Variants in NFATC2 observed in about 807,000 individuals in gnomAD.
NFATC2 encodes the protein nuclear factor of activated T cells 2.
In NFATC2, 22 loss-of-function variants were observed where a neutral mutation model predicts 87.3. The ratio of observed to expected loss-of-function variants is 0.25; its 90% CI spans 0.18 to 0.36. The LOEUF (loss-of-function observed/expected upper bound fraction) is 0.36, where lower values mean the gene tolerates loss of function less well. Ranked by LOEUF, NFATC2 falls within the 10% of genes least tolerant of loss-of-function variation. The probability of loss-of-function intolerance (pLI) is 1.00; values close to 1 mark genes in which losing one functional copy is unlikely to be tolerated. For missense variants in NFATC2, 1,149 were observed against 1,259.1 expected, an observed-to-expected ratio of 0.91 and a Z score of 1.32; for synonymous variants, 565 against 542.2, an observed-to-expected ratio of 1.04 and a Z score of -0.58.
chr20:51,508,867 T>C (rs2076227944), intron 3 of NFATC2, among the ~76,000 whole-genome samples: 1 of 151,378 alleles, frequency 6.6e-6, no homozygotes, highest in African/African-American at 2.4e-5. Context: ...CCAGCCACCA[T>C]CCCCTCTGGC....
intron 9 of NFATC2, among the ~76,000 whole-genome samples, chr20:51,406,439 G>A (rs987439086): frequency 6.6e-6 from 1 of 152,210 alleles, no homozygotes; most frequent in Admixed American, 6.5e-5. Flanking sequence ...CAGATACTGA[G>A]ATTTAAGAAG....
intron 1 of NFATC2, among the ~76,000 whole-genome samples, chr20:51,533,199 A>G (rs4811190): frequency 0.82 from 125,114 of 152,176 alleles, 51,804 homozygotes; most frequent in African/African-American, 0.91. Context: ...ATCAGGGGCC[A>G]CAAAGAATCC....
At chr20:51,559,858 A>G (rs1022607270) in intron 1 of NFATC2, among the ~76,000 whole-genome samples, 3 of 152,246 alleles carry the variant, frequency 2.0e-5, no homozygotes, top group Non-Finnish European at 2.9e-5. Context: ...CACAGAACTG[A>G]GCATTTTACA....
intron 6 of NFATC2, among the ~76,000 whole-genome samples, chr20:51,454,136 C>T (rs1045885072): frequency 6.6e-6 from 1 of 152,144 alleles, no homozygotes; most frequent in Non-Finnish European, 1.5e-5. Context: ...TAATATGCCT[C>T]GGATCACCAA....
chr20:51,420,544 T>C (rs1293232150), intron 9 of NFATC2, among the ~76,000 whole-genome samples: 1 of 152,046 alleles, frequency 6.6e-6, no homozygotes, highest in Non-Finnish European at 1.5e-5. Flanking sequence ...TAAATTGCAA[T>C]ATAATACTAA....
At chr20:51,488,801 A>T (rs2075828689) in intron 3 of NFATC2, among the ~76,000 whole-genome samples, 1 of 152,178 alleles carries the variant, frequency 6.6e-6, no homozygotes, top group Admixed American at 6.5e-5. Flanking sequence ...TCCTGAATAG[A>T]ATCTCCACAA....
chr20:51,429,943 C>T (rs1982444342), intron 9 of NFATC2, among the ~76,000 whole-genome samples: 1 of 151,886 alleles, frequency 6.6e-6, no homozygotes, highest in Non-Finnish European at 1.5e-5. Flanking sequence ...TTGAACCTGC[C>T]TGCGTTGAGA....
intron 3 of NFATC2, among the ~76,000 whole-genome samples, chr20:51,509,357 G>C (rs2076236330): frequency 6.6e-6 from 1 of 152,082 alleles, no homozygotes. Context: ...AGGGATTTTT[G>C]CCTGTGGTTC....
intron 9 of NFATC2, among the ~76,000 whole-genome samples, chr20:51,401,069 G>T (rs532194804): frequency 6.6e-6 from 1 of 152,272 alleles, no homozygotes; most frequent in East Asian, 1.9e-4. Flanking sequence ...AGTCACTGAG[G>T]ATTAAATGAG....
chr20:51,537,282 G>A (rs1044675955), intron 1 of NFATC2, among the ~76,000 whole-genome samples: 2 of 151,354 alleles, frequency 1.3e-5, no homozygotes, highest in Admixed American at 6.6e-5. Context: ...TGTGGTGAGG[G>A]GGCAGTGCCC....
intron 3 of NFATC2, among the ~76,000 whole-genome samples, chr20:51,508,471 T>G (rs2076220628): frequency 6.6e-6 from 1 of 152,096 alleles, no homozygotes; most frequent in Non-Finnish European, 1.5e-5. Context: ...GTAGTCTTTT[T>G]CAAATTTTAA....
chr20:51,476,238 C>T (rs982735302), intron 3 of NFATC2, among the ~76,000 whole-genome samples: 1 of 115,728 alleles, frequency 8.6e-6, no homozygotes, highest in African/African-American at 3.4e-5. Context: ...TCCCCCCACC[C>T]CACAACAGGC....
chr20:51,553,127 G>A (rs906956188), intron 1 of NFATC2, among the ~76,000 whole-genome samples: 6 of 151,732 alleles, frequency 4.0e-5, no homozygotes, highest in East Asian at 1.9e-4. Context: ...CTACATTCCC[G>A]TATGGACCAA....
intron 9 of NFATC2, among the ~76,000 whole-genome samples, chr20:51,422,713 G>T (rs1981136084): frequency 6.6e-6 from 1 of 152,056 alleles, no homozygotes; most frequent in South Asian, 2.1e-4. Flanking sequence ...TCAAGTCTAG[G>T]AATGACTGGC....
rs1416188923 is a variant in NFATC2, at chr20:51,388,611, TAAA to T, written c.*2882_*2884del. On this transcript the variant is annotated 3_prime_UTR_variant, in exon 11 of 11. Transcript: ENST00000371564. ...AGGGGTGTAATATTTTGAGGACAGG[TAAA>T]AAGCATAAAAATACAGGTAAGAAAA... 1 of 152,108 alleles carries T rather than the reference TAAA, an allele frequency of 6.6e-6. No individual in the cohort carries two copies. The highest frequency in any genetic ancestry group is 2.4e-5 in the African/African-American group (1 of 41,412). 9.4% of individuals were successfully genotyped at this position (152,108 alleles called of 1,614,324 possible).
intron 1 of NFATC2, among the ~76,000 whole-genome samples, chr20:51,536,469 G>A (rs569990646): frequency 1.3e-5 from 2 of 152,154 alleles, no homozygotes; most frequent in Non-Finnish European, 2.9e-5. Context: ...TTCTAATGCA[G>A]CCAGGACTGA....
At position 51,515,683 on chromosome 20, in the gene NFATC2, T is replaced by TA. The variant is rs1314313416; in HGVS notation, c.1332+1100_1332+1101insT. On this transcript the variant is annotated intron_variant, in intron 3 of 10. Transcript: ENST00000371564. ...ATTCCAAGATGGCTATGGTGTCTGA[T>TA]TTAAAAAAAAAAAAAAGCAATTGTC... Among the ~76,000 whole-genome samples, 35 of 117,570 alleles carry TA rather than the reference T, an allele frequency of 3.0e-4. No individual in the cohort carries two copies. The South Asian group carries it at 4.9e-3, about 17-fold the overall frequency. 77.1% of individuals were successfully genotyped at this position (117,570 alleles called of 152,430 possible).
intron 9 of NFATC2, among the ~76,000 whole-genome samples, chr20:51,403,705 A>G (rs946063967): frequency 6.6e-5 from 10 of 152,204 alleles, no homozygotes; most frequent in Admixed American, 6.5e-4. Context: ...ACAGGAGAAC[A>G]CAATGGGAGA....
At chr20:51,443,099 C>G (rs1984587655) in intron 6 of NFATC2, among the ~76,000 whole-genome samples, 1 of 152,186 alleles carries the variant, frequency 6.6e-6, no homozygotes, top group South Asian at 2.1e-4. Context: ...GTTGCCACCT[C>G]TCAAGATGCT....
Sources: gnomAD v4.1 joint callset for allele counts (sites outside exome capture counted in the v4.1 genomes callset) on GRCh38, gnomAD v4.1.1 for gene constraint, MANE v1.5 for transcripts, NCBI Gene and HGNC (gene_info 2026-07-23, HGNC 2026-07-21) for gene names.